SYT16: variants seen among roughly 807,000 people sequenced by gnomAD.
SYT16 encodes synaptotagmin-16.
Under a neutral mutation model 61.4 loss-of-function variants are expected in SYT16, and 42 were observed. That is an observed-to-expected ratio of 0.68 (90% CI 0.53 to 0.89). The LOEUF is 0.89. SYT16 is among the 40% of genes least tolerant of loss of function. SYT16 has a pLI of 0.00. For synonymous variants in SYT16, 314 were observed against 302.3 expected, an observed-to-expected ratio of 1.04 and a Z score of -0.40; for missense variants, 804 against 807.3, an observed-to-expected ratio of 1.00 and a Z score of 0.05.
chr14:61,866,311 G>A (rs1435196829), intron 1 of SYT16, among the ~76,000 whole-genome samples: 3 of 152,128 alleles, frequency 2.0e-5, no homozygotes, highest in Non-Finnish European at 4.4e-5. Flanking sequence ...AAAGGAAGAG[G>A]AGGGTGGGGG....
chr14:62,074,029 G>T (rs1045668189), intron 4 of SYT16, among the ~76,000 whole-genome samples: 1 of 152,148 alleles, frequency 6.6e-6, no homozygotes, highest in Non-Finnish European at 1.5e-5. Flanking sequence ...CCCTTGTCCT[G>T]TCTACATCTC....
intron 3 of SYT16, among the ~76,000 whole-genome samples, chr14:62,004,157 A>G (rs2053129593): frequency 6.6e-6 from 1 of 152,220 alleles, no homozygotes; most frequent in Non-Finnish European, 1.5e-5. Context: ...ATAGTTCTGC[A>G]TGGCTGGGGA....
At chr14:62,075,619 AG>A (rs67134576) in intron 5 of SYT16, among the ~76,000 whole-genome samples, 27,005 of 120,272 alleles carry the variant, frequency 0.22, 2,910 homozygotes, top group African/African-American at 0.34. Flanking sequence ...AAAAAAAAAA[AG>A]AAAAAAAGAA....
chr14:61,829,840 T>G (rs969533873), intron 1 of SYT16, among the ~76,000 whole-genome samples: 3 of 151,812 alleles, frequency 2.0e-5, no homozygotes, highest in Non-Finnish European at 4.4e-5. Context: ...ATTTTTAGTA[T>G]AGACGGGGTT....
chr14:61,959,657 A>T (rs1377809739), intron 1 of SYT16, among the ~76,000 whole-genome samples: 1 of 152,140 alleles, frequency 6.6e-6, no homozygotes, highest in African/African-American at 2.4e-5. Flanking sequence ...GTTAAATGAG[A>T]TTTACACACT....
At chr14:61,915,922 G>A (rs1168486618) in intron 1 of SYT16, among the ~76,000 whole-genome samples, 7 of 152,158 alleles carry the variant, frequency 4.6e-5, no homozygotes, top group Non-Finnish European at 1.0e-4. Flanking sequence ...ATGATCTCAC[G>A]GGTTTGAGGA....
intron 1 of SYT16, among the ~76,000 whole-genome samples, chr14:61,947,003 C>A (rs899677468): frequency 1.3e-5 from 2 of 151,844 alleles, no homozygotes; most frequent in Non-Finnish European, 2.9e-5. Flanking sequence ...CAAGCAGATG[C>A]CGATGGTTGT....
At chr14:62,067,782 T>C (rs1955538147) in intron 3 of SYT16, among the ~76,000 whole-genome samples, 1 of 151,798 alleles carries the variant, frequency 6.6e-6, no homozygotes, top group Non-Finnish European at 1.5e-5. Flanking sequence ...ACCAACATGG[T>C]GAAACCCTGT....
intron 2 of SYT16, among the ~76,000 whole-genome samples, chr14:61,986,729 A>G (rs1162700338): frequency 1.3e-5 from 2 of 152,182 alleles, no homozygotes; most frequent in African/African-American, 4.8e-5. Context: ...TTGAAAATCT[A>G]GTTTTTAAAA....
At chr14:61,926,899 A>G (rs1001060819) in intron 1 of SYT16, among the ~76,000 whole-genome samples, 3 of 152,124 alleles carry the variant, frequency 2.0e-5, no homozygotes, top group Non-Finnish European at 2.9e-5. Flanking sequence ...CTGAGTTTCT[A>G]TGCTTTTTAA....
intron 2 of SYT16, among the ~76,000 whole-genome samples, chr14:61,984,472 G>A (rs986358531): frequency 2.4e-4 from 37 of 152,058 alleles, no homozygotes; most frequent in African/African-American, 8.7e-4. Context: ...CTCTATTGCA[G>A]GACTCATATT....
chr14:61,994,243 A>G (rs2052675271), intron 2 of SYT16, among the ~76,000 whole-genome samples: 1 of 152,140 alleles, frequency 6.6e-6, no homozygotes, highest in Non-Finnish European at 1.5e-5. Context: ...TAGCAAAGTG[A>G]TACACTAGGT....
chr14:62,065,990 TA>T (rs1303736497), intron 3 of SYT16, among the ~76,000 whole-genome samples: 1 of 152,128 alleles, frequency 6.6e-6, no homozygotes, highest in Non-Finnish European at 1.5e-5. Context: ...CCAATAGAAT[TA>T]AGTGAGATGA....
At chr14:62,083,430 T>C (rs2056777275) in intron 6 of SYT16, among the ~76,000 whole-genome samples, 1 of 152,064 alleles carries the variant, frequency 6.6e-6, no homozygotes, top group African/African-American at 2.4e-5. Context: ...CCTTCTCAGT[T>C]TTGTGCTCCT....
At chr14:62,008,620 G>A (rs1440476053) in intron 3 of SYT16, among the ~76,000 whole-genome samples, 1 of 135,486 alleles carries the variant, frequency 7.4e-6, no homozygotes, top group Non-Finnish European at 1.6e-5. Context: ...TTCCCATTGT[G>A]TTTCTGTTTT....
intron 7 of SYT16, among the ~76,000 whole-genome samples, chr14:62,085,593 G>T (rs1260282150): frequency 1.3e-5 from 2 of 152,264 alleles, no homozygotes; most frequent in East Asian, 3.9e-4. Context: ...ACTGAATCTG[G>T]GCTCTCACTC....
At position 62,036,849 on chromosome 14, in the gene SYT16, A is replaced by G. The variant is rs146339096; in HGVS notation, c.524-32754A>G. Among the ~76,000 whole-genome samples the G allele has an allele frequency of 1.8e-4, 27 of 152,246 alleles. No individual in the cohort carries two copies. The East Asian group carries it at 4.1e-3, about 23-fold the overall frequency. On this transcript the variant is annotated intron_variant, in intron 3 of 7. Transcript: ENST00000683842. The stretch of plus-strand genomic sequence containing the variant: ...AATTCAAGATGAGATTTGGGTGGGG[A>G]CACAGGCACACCATATACTGAGCAA...
At chr14:61,863,358 A>C (rs948147539) in intron 1 of SYT16, among the ~76,000 whole-genome samples, 2 of 152,204 alleles carry the variant, frequency 1.3e-5, no homozygotes, top group Non-Finnish European at 2.9e-5. Context: ...TTTCCCTGAC[A>C]ACATATAATC....
At chr14:61,831,961 A>G in intron 1 of SYT16, 1 of 567,930 alleles carries the variant, frequency 1.8e-6, no homozygotes. Context: ...ATGGGCACCC[A>G]CTCTTTGTCA....
Sources: gnomAD v4.1 joint callset for allele counts (sites outside exome capture counted in the v4.1 genomes callset) on GRCh38, gnomAD v4.1.1 for gene constraint, MANE v1.5 for transcripts, NCBI Gene and HGNC (gene_info 2026-07-23, HGNC 2026-07-21) for gene names.